Variants in DIPK1A observed in about 807,000 individuals in gnomAD.
DIPK1A encodes family with sequence similarity 69 member A.
A neutral mutation model predicts 40.8 loss-of-function variants in DIPK1A; 27 were observed. That is an observed-to-expected ratio of 0.66 (90% CI 0.49 to 0.91). DIPK1A has a LOEUF of 0.91. DIPK1A is among the 40% of genes least tolerant of loss of function. The pLI is 0.00. For synonymous variants in DIPK1A, 166 were observed against 171.3 expected, an observed-to-expected ratio of 0.97 and a Z score of 0.24; for missense variants, 412 against 505.7, an observed-to-expected ratio of 0.81 and a Z score of 1.78.
rs1687441787 is a variant in DIPK1A at position 92,843,154 on chromosome 1, T to C, written c.*229A>G. ...TCAGTCAAAATAGTTACACAATGAATGTACTTCGGAGATGTAACAGGGCTT... is the reference window on the plus strand; with the variant it reads ...TCAGTCAAAATAGTTACACAATGAACGTACTTCGGAGATGTAACAGGGCTT... On this transcript the variant is annotated 3_prime_UTR_variant, in exon 5 of 5. Coordinates refer to ENST00000370310, the MANE Select transcript of DIPK1A (RefSeq NM_001006605.5). The C allele has an allele frequency of 8.0e-6, 10 of 1,254,908 alleles. No individual in the cohort carries two copies. The highest frequency in any genetic ancestry group is 1.0e-5 in the Non-Finnish European group (10 of 994,674). 77.7% of individuals were successfully genotyped at this position (1,254,908 alleles called of 1,614,324 possible).
downstream of DIPK1A, among the ~76,000 whole-genome samples, chr1:92,839,284 T>TGGAG (rs1687257635): frequency 6.6e-6 from 1 of 152,212 alleles, no homozygotes; most frequent in Admixed American, 6.5e-5. Flanking sequence ...GCTTGAACCC[T>TGGAG]GGAGGTGGAG....
intron 1 of DIPK1A, among the ~76,000 whole-genome samples, chr1:92,901,457 AGCAGCTTGG>A (rs1323858539): frequency 6.6e-6 from 1 of 152,042 alleles, no homozygotes; most frequent in Non-Finnish European, 1.5e-5. Context: ...AGTACTCCCT[AGCAGCTTGG>A]GCCCACGGAG....
downstream of DIPK1A, chr1:92,837,867 G>T: frequency 1.9e-6 from 1 of 530,372 alleles, no homozygotes; most frequent in Non-Finnish European, 3.4e-6. Flanking sequence ...TGTCATTTCT[G>T]TAATCATAGT....
chr1:92,892,326 T>C (rs576914687), intron 1 of DIPK1A, among the ~76,000 whole-genome samples: 1 of 152,004 alleles, frequency 6.6e-6, no homozygotes, highest in Non-Finnish European at 1.5e-5. Flanking sequence ...AGAGGAACGA[T>C]CAGGCAGCAA....
intron 2 of DIPK1A, among the ~76,000 whole-genome samples, chr1:92,870,808 A>T (rs1647806794): frequency 6.6e-6 from 1 of 152,140 alleles, no homozygotes; most frequent in Admixed American, 6.5e-5. Context: ...ATCGGGGTAA[A>T]GGTGGGAATC....
At chr1:92,884,864 A>G (rs996598058) in intron 1 of DIPK1A, among the ~76,000 whole-genome samples, 19 of 152,226 alleles carry the variant, frequency 1.2e-4, no homozygotes, top group African/African-American at 4.6e-4. Context: ...TTAATATAAC[A>G]ATTTTCAACA....
chr1:92,833,974 G>A (rs1225679588), intron 4 of DIPK1A: 3 of 356,652 alleles, frequency 8.4e-6, no homozygotes, highest in East Asian at 1.4e-4. Flanking sequence ...TGGGCATGGC[G>A]GGGCGCACCT....
chr1:92,840,694 C>T (rs756230273), downstream of DIPK1A: 21 of 1,252,574 alleles, frequency 1.7e-5, no homozygotes, highest in African/African-American at 2.9e-5. Flanking sequence ...ATGGTTCCCA[C>T]GTGGGGCAGA....
chr1:92,835,047 G>A (rs1160892948), intron 4 of DIPK1A: 1 of 1,265,818 alleles, frequency 7.9e-7, no homozygotes, highest in African/African-American at 1.5e-5. Flanking sequence ...TTTCTGCTTT[G>A]TTAATGGATC....
chr1:92,839,790 A>G (rs1687278872), downstream of DIPK1A, among the ~76,000 whole-genome samples: 1 of 152,152 alleles, frequency 6.6e-6, no homozygotes, highest in African/African-American at 2.4e-5. Context: ...AGAGTGACTC[A>G]AGAAGTGTGG....
chr1:92,845,344 G>A (rs1687558667), intron 4 of DIPK1A, among the ~76,000 whole-genome samples: 1 of 112,812 alleles, frequency 8.9e-6, no homozygotes, highest in Non-Finnish European at 1.7e-5. Flanking sequence ...TTTTTTTCCC[G>A]TTAGTTTTAG....
At chr1:92,946,881 C>T (rs1388656208) in intron 1 of DIPK1A, among the ~76,000 whole-genome samples, 3 of 147,954 alleles carry the variant, frequency 2.0e-5, no homozygotes, top group East Asian at 3.9e-4. Flanking sequence ...GATGTTGAAG[C>T]GGCAGTGAGC....
At chr1:92,850,661 A>G (rs1000342465) in intron 3 of DIPK1A, among the ~76,000 whole-genome samples, 187 bp downstream of exon 3, 9 of 152,244 alleles carry the variant, frequency 5.9e-5, no homozygotes, top group Non-Finnish European at 1.0e-4. Flanking sequence ...AGCCTGGACA[A>G]CAGATCCTGT....
chr1:92,869,760 T>C (rs191161583), intron 2 of DIPK1A, among the ~76,000 whole-genome samples: 21 of 152,204 alleles, frequency 1.4e-4, no homozygotes, highest in Admixed American at 2.6e-4. Context: ...TACCTAAAAT[T>C]CAAAATTAGC....
intron 1 of DIPK1A, among the ~76,000 whole-genome samples, chr1:92,889,095 A>G (rs905416598): frequency 2.6e-5 from 4 of 152,180 alleles, no homozygotes; most frequent in African/African-American, 4.8e-5. Context: ...CTACTGTCAT[A>G]AAGTGTTTCC....
intron 2 of DIPK1A, among the ~76,000 whole-genome samples, chr1:92,875,286 C>T (rs1648065431): frequency 1.3e-5 from 2 of 152,270 alleles, no homozygotes; most frequent in Middle Eastern, 6.8e-3. Flanking sequence ...TATATGCATA[C>T]ACCACTGGCC....
intron 1 of DIPK1A, among the ~76,000 whole-genome samples, chr1:92,881,197 G>C (rs1253267081): frequency 5.4e-5 from 5 of 91,878 alleles, no homozygotes; most frequent in Non-Finnish European, 9.1e-5. Flanking sequence ...AAAAAAAAAA[G>C]GCTACTTCTA....
At chr1:92,852,370 T>C (rs924422617) in intron 2 of DIPK1A, among the ~76,000 whole-genome samples, 3 of 152,070 alleles carry the variant, frequency 2.0e-5, no homozygotes, top group Admixed American at 6.6e-5. Context: ...TGGTGGCGCA[T>C]GCCTGTAATC....
intron 1 of DIPK1A, among the ~76,000 whole-genome samples, chr1:92,880,328 T>C (rs923569855): frequency 6.6e-6 from 1 of 152,194 alleles, no homozygotes; most frequent in African/African-American, 2.4e-5. Context: ...ATAACATCTG[T>C]CTGGAAATAA....
Sources: allele counts gnomAD v4.1 joint callset (sites outside exome capture counted in the v4.1 genomes callset), GRCh38; gene constraint gnomAD v4.1.1; transcripts MANE v1.5; gene names NCBI Gene and HGNC (gene_info 2026-07-23, HGNC 2026-07-21).